NR2C2: variants seen among roughly 807,000 people sequenced by gnomAD.
NR2C2 encodes nuclear receptor subfamily 2 group C member 2.
NR2C2 carries 6 observed loss-of-function variants against 62.9 expected under a neutral mutation model. The observed-to-expected ratio is 0.10, with a 90% confidence interval of 0.05 to 0.19. The LOEUF (loss-of-function observed/expected upper bound fraction) is 0.19, where lower values mean the gene tolerates loss of function less well. Among genes scored for constraint, NR2C2 ranks in the 10% least tolerant of loss-of-function variants. The probability of loss-of-function intolerance (pLI) is 1.00; values close to 1 mark genes in which losing one functional copy is unlikely to be tolerated. For synonymous variants in NR2C2, 272 were observed against 273.8 expected (o/e 0.99, Z 0.07); for missense variants, 479 against 762.7 (o/e 0.63, Z 4.38).
chr3:14,970,458 C>T (rs2040003822), intron 1 of NR2C2, among the ~76,000 whole-genome samples: 2 of 152,162 alleles, frequency 1.3e-5, no homozygotes, highest in African/African-American at 4.8e-5. Context: ...CAGACTGAAA[C>T]TCGGTATCCA....
At chr3:15,037,445 A>T (rs926862423) in intron 11 of NR2C2, among the ~76,000 whole-genome samples, 2 of 152,182 alleles carry the variant, frequency 1.3e-5, no homozygotes, top group African/African-American at 4.8e-5. Context: ...ATGAAATAAC[A>T]TATAAAATTG....
intron 1 of NR2C2, among the ~76,000 whole-genome samples, chr3:14,964,428 C>T (rs1574933368): frequency 6.6e-6 from 1 of 152,214 alleles, no homozygotes; most frequent in Non-Finnish European, 1.5e-5. Flanking sequence ...GACAGGCCCA[C>T]TGAGTGCTTT....
chr3:15,040,657 C>G (rs547134939), intron 13 of NR2C2, among the ~76,000 whole-genome samples: 28 of 152,230 alleles, frequency 1.8e-4, no homozygotes, highest in Non-Finnish European at 3.2e-4. Context: ...TGCTGGTAGA[C>G]AAGAGCCTGC....
intron 1 of NR2C2, among the ~76,000 whole-genome samples, chr3:14,984,822 T>C (rs186112062): frequency 6.6e-6 from 1 of 152,100 alleles, no homozygotes; most frequent in Non-Finnish European, 1.5e-5. Flanking sequence ...AATTGCTGGA[T>C]CATATGGTGG....
chr3:14,962,143 C>G (rs2039705808), intron 1 of NR2C2, among the ~76,000 whole-genome samples: 1 of 152,160 alleles, frequency 6.6e-6, no homozygotes, highest in Non-Finnish European at 1.5e-5. Flanking sequence ...ACCCTGGAGA[C>G]CTGATAATTA....
intron 13 of NR2C2, among the ~76,000 whole-genome samples, chr3:15,040,645 C>T (rs538331682): frequency 6.6e-6 from 1 of 152,302 alleles, no homozygotes; most frequent in African/African-American, 2.4e-5. Flanking sequence ...GCTGGCTGGT[C>T]CTGCTGGTAG....
chr3:15,021,078 C>G (rs1412722348), intron 5 of NR2C2, 146 bp downstream of exon 5: 1 of 765,106 alleles, frequency 1.3e-6, no homozygotes, highest in South Asian at 1.9e-5. Context: ...CCTCATGGGT[C>G]AGCCAGGTGA....
intron 1 of NR2C2, among the ~76,000 whole-genome samples, chr3:14,949,392 T>G (rs1185529213): frequency 1.3e-5 from 2 of 152,208 alleles, no homozygotes; most frequent in Admixed American, 6.6e-5. Context: ...AGGAAGAGCA[T>G]TTGATGTGAT....
intron 4 of NR2C2, among the ~76,000 whole-genome samples, chr3:15,020,109 TTCCTAGAACTG>T (rs1350898249): frequency 6.6e-6 from 1 of 152,220 alleles, no homozygotes. Context: ...AATAAATGCA[TTCCTAGAACTG>T]TGTTTCTAGA....
chr3:15,021,235 A>G (rs1393152959), intron 5 of NR2C2, among the ~76,000 whole-genome samples: 3 of 152,126 alleles, frequency 2.0e-5, no homozygotes, highest in Non-Finnish European at 2.9e-5. Context: ...CAGGTGTGCC[A>G]CTAAGAGAGA....
At chr3:14,990,948 C>T (rs1403875779) in intron 1 of NR2C2, among the ~76,000 whole-genome samples, 4 of 152,110 alleles carry the variant, frequency 2.6e-5, no homozygotes, top group African/African-American at 4.8e-5. Flanking sequence ...TCAGGTGGGG[C>T]AAAAGTTGTT....
Position 15,044,665 on chromosome 3 carries a change from A to G in NR2C2, c.*1657A>G, listed in dbSNP as rs1447735870. On this transcript the variant is annotated 3_prime_UTR_variant, in exon 14 of 14. Transcript: ENST00000425241. ...TGATTTGTTAATCAGATGATATCCAAAAAGATCCCTGGACACTCCCCTGAC... is the reference window on the plus strand; with the variant it reads ...TGATTTGTTAATCAGATGATATCCAGAAAGATCCCTGGACACTCCCCTGAC... The G allele has an allele frequency of 1.3e-5, 2 of 152,234 alleles. No individual in the cohort carries two copies. The highest frequency in any genetic ancestry group is 2.1e-4 in the South Asian group (1 of 4,832). The allele number at this position is 152,234 out of a possible 1,614,324, so 9.4% of individuals were successfully genotyped here. A position where few individuals can be genotyped will look rare whatever the true frequency, so the allele number is the denominator to read the frequency against.
chr3:15,027,180 G>A (rs993041097), intron 7 of NR2C2, among the ~76,000 whole-genome samples: 1 of 152,032 alleles, frequency 6.6e-6, no homozygotes, highest in Non-Finnish European at 1.5e-5. Flanking sequence ...TGTGTTTTTA[G>A]TAGAGATGAG....
At position 14,949,367 on chromosome 3, in the gene NR2C2, G is replaced by A. The variant is rs1021954279; in HGVS notation, c.-40+1461G>A. ...AATGGCATTCCAGACAGGACATCCC[G>A]TGTAACGGCCCTGGAGGAAGAGCAT... On this transcript the variant is annotated intron_variant, in intron 1 of 13. Coordinates refer to ENST00000425241, the MANE Select transcript of NR2C2 (RefSeq NM_001291694.2). Among the ~76,000 whole-genome samples the A allele has an allele frequency of 2.2e-4, 33 of 152,240 alleles. 1 individual carries two copies. Among genetic ancestry groups the A allele is most frequent in the Admixed American group, 1.6e-3 (24 of 15,284 alleles).
At chr3:14,948,654 G>C (rs1196625605) in intron 1 of NR2C2, 2 of 153,126 alleles carry the variant, frequency 1.3e-5, no homozygotes, top group Admixed American at 6.5e-5. Flanking sequence ...GCCTGGTCTT[G>C]GGTCAGCAGG....
chr3:14,954,528 C>T (rs988041885), intron 1 of NR2C2, among the ~76,000 whole-genome samples: 2 of 152,108 alleles, frequency 1.3e-5, no homozygotes, highest in South Asian at 2.1e-4. Context: ...CATAGTCGTA[C>T]ATTAGAATAC....
At chr3:14,958,294 G>A (rs182432997) in intron 1 of NR2C2, among the ~76,000 whole-genome samples, 1 of 152,024 alleles carries the variant, frequency 6.6e-6, no homozygotes, top group East Asian at 1.9e-4. Context: ...GATGGAGGTG[G>A]TTGGACTTGA....
chr3:15,004,002 C>G lies in NR2C2; in HGVS notation c.72+16C>G. The G allele has an allele frequency of 6.3e-7, 1 of 1,598,852 alleles. No homozygotes were observed. Among genetic ancestry groups the G allele is most frequent in the Non-Finnish European group, 8.5e-7 (1 of 1,171,874 alleles). On this transcript the variant is annotated intron_variant, in intron 2 of 13. Transcript: ENST00000425241. ...GCGCATTCAGGTACCTGCAACCTGC[C>G]AATGGCAACCCTGCCTTTCCAGAAG... is the stretch of plus-strand genomic sequence containing the variant.
chr3:15,006,912 A>G (rs928845008), intron 2 of NR2C2, among the ~76,000 whole-genome samples: 2 of 151,166 alleles, frequency 1.3e-5, no homozygotes, highest in Non-Finnish European at 2.9e-5. Flanking sequence ...AATAGCTGGG[A>G]TTACAGACAT....
Sources: allele counts gnomAD v4.1 joint callset (sites outside exome capture counted in the v4.1 genomes callset), GRCh38; gene constraint gnomAD v4.1.1; transcripts MANE v1.5; gene names NCBI Gene and HGNC (gene_info 2026-07-23, HGNC 2026-07-21).